KPNA6: variants seen among roughly 807,000 people sequenced by gnomAD.
KPNA6 encodes the protein karyopherin subunit alpha 6, also known as importin subunit alpha-7.
KPNA6 carries 9 observed loss-of-function variants against 72.0 expected under a neutral mutation model. The ratio of observed to expected loss-of-function variants is 0.13; its 90% CI spans 0.08 to 0.22. The LOEUF is 0.22. Among genes scored for constraint, KPNA6 ranks in the 10% least tolerant of loss-of-function variants. The pLI is 1.00. For missense variants in KPNA6, 374 were observed against 655.7 expected (o/e 0.57, Z 4.69); for synonymous variants, 219 against 242.1 (o/e 0.90, Z 0.89).
chr1:32,148,973 A>G lies in KPNA6; in HGVS notation c.5-5615A>G, dbSNP rs563634674. On this transcript the variant is annotated intron_variant, in intron 1 of 13. Coordinates refer to ENST00000373625, the MANE Select transcript of KPNA6 (RefSeq NM_012316.5). ...CTCCAAAATTGCTGGGATTACAATCATGAGCCACCGTGCCGGCCATATTGG... is the reference window on the plus strand; with the variant it reads ...CTCCAAAATTGCTGGGATTACAATCGTGAGCCACCGTGCCGGCCATATTGG... 2.0e-5 allele frequency among the ~76,000 whole-genome samples: 3 copies of G among 152,186 alleles called. No individual in the cohort carries two copies. The East Asian group carries it at 5.8e-4, about 29-fold the overall frequency.
chr1:32,126,525 CA>C (rs1238979549), intron 1 of KPNA6, among the ~76,000 whole-genome samples: 10 of 152,060 alleles, frequency 6.6e-5, no homozygotes, highest in Non-Finnish European at 1.3e-4. Flanking sequence ...GCTGGGATTA[CA>C]GGCGCCTGCC....
intron 1 of KPNA6, among the ~76,000 whole-genome samples, chr1:32,151,444 T>G (rs529283617): frequency 6.6e-6 from 1 of 152,310 alleles, no homozygotes; most frequent in East Asian, 1.9e-4. Context: ...CCAGCATGTA[T>G]GCATCCTTAG....
intron 1 of KPNA6, among the ~76,000 whole-genome samples, chr1:32,129,926 C>T (rs1641606767): frequency 6.6e-6 from 1 of 151,764 alleles, no homozygotes; most frequent in South Asian, 2.1e-4. Flanking sequence ...GGTATGCTGT[C>T]AAATAAGGAA....
Position 32,176,280 on chromosome 1 carries a change from G to A in KPNA6, c.*5386G>A, listed in dbSNP as rs1333885908. The A allele has an allele frequency of 6.6e-6, 1 of 151,528 alleles. No individual in the cohort carries two copies. Among genetic ancestry groups the A allele is most frequent in the African/African-American group, 2.4e-5 (1 of 41,218 alleles). The allele number at this position is 151,528 out of a possible 1,614,324, so 9.4% of individuals were successfully genotyped here. ...CTTGGGTTACCAGCTATGGACCCTT[G>A]GAAGATGAATCTAATCCTTCTCACT... On this transcript the variant is annotated 3_prime_UTR_variant, in exon 14 of 14. Transcript: ENST00000373625.
chr1:32,170,990 C>A lies in KPNA6; in HGVS notation c.*96C>A. On this transcript the variant is annotated 3_prime_UTR_variant, in exon 14 of 14. Coordinates refer to ENST00000373625, the MANE Select transcript of KPNA6 (RefSeq NM_012316.5). ...GGGAAACCAGTGTCCCCACCATCAG[C>A]CACCACACACCTCTGCTGCCCTGGA... The A allele has an allele frequency of 1.9e-6, 2 of 1,028,948 alleles. No homozygotes were observed. Among genetic ancestry groups the A allele is most frequent in the Non-Finnish European group, 2.9e-6 (2 of 679,576 alleles). The allele number at this position is 1,028,948 out of a possible 1,614,324, so 63.7% of individuals were successfully genotyped here. A position where few individuals can be genotyped will look rare whatever the true frequency, so the allele number is the denominator to read the frequency against.
intron 1 of KPNA6, among the ~76,000 whole-genome samples, chr1:32,120,422 AT>A (rs1182684443): frequency 6.9e-6 from 1 of 145,684 alleles, no homozygotes; most frequent in Admixed American, 6.9e-5. Context: ...CTTTTTTTGT[AT>A]TTTTAGTAGA....
At chr1:32,118,972 A>ATGTG (rs144915333) in intron 1 of KPNA6, among the ~76,000 whole-genome samples, 1,385 of 120,726 alleles carry the variant, frequency 0.011, 29 homozygotes, top group African/African-American at 0.044. Context: ...AGCCATATAT[A>ATGTG]TGTGTGTGTG....
chr1:32,147,911 C>G (rs1250045283), intron 1 of KPNA6, among the ~76,000 whole-genome samples: 2 of 151,960 alleles, frequency 1.3e-5, no homozygotes, highest in African/African-American at 2.4e-5. Flanking sequence ...AGCCATTCGC[C>G]TGCCTTGGCC....
At chr1:32,169,382 T>C (rs577206722) in intron 12 of KPNA6, among the ~76,000 whole-genome samples, 31 of 150,980 alleles carry the variant, frequency 2.1e-4, no homozygotes, top group African/African-American at 7.5e-4. Context: ...AAAAAAGGAC[T>C]TGGTTGGGGA....
chr1:32,108,427 C>T (rs1193818500), intron 1 of KPNA6, among the ~76,000 whole-genome samples: 1 of 152,260 alleles, frequency 6.6e-6, no homozygotes, highest in African/African-American at 2.4e-5. Flanking sequence ...AAGGGGCCTA[C>T]TCTCTGTCCT....
At chr1:32,116,892 C>G (rs1557455571) in intron 1 of KPNA6, among the ~76,000 whole-genome samples, 1 of 152,034 alleles carries the variant, frequency 6.6e-6, no homozygotes, top group Non-Finnish European at 1.5e-5. Context: ...GGGAGAGAGA[C>G]TGTGGAATGG....
chr1:32,166,032 A>G (rs1642330281), intron 10 of KPNA6, 73 bp from the exon 11 acceptor site: 1 of 1,460,668 alleles, frequency 6.8e-7, no homozygotes, highest in Non-Finnish European at 9.1e-7. Context: ...AACAACAACA[A>G]CAACAAAAAA....
chr1:32,119,254 C>T lies in KPNA6; in HGVS notation c.4+11120C>T, dbSNP rs917015930. Among the ~76,000 whole-genome samples, 36 of 151,676 alleles carry T rather than the reference C, an allele frequency of 2.4e-4. 1 individual carries two copies. Reference sequence around the variant, plus strand: ...CCATGTTGACCAGGCTGGTCTCAAACTCCTGACCTCAGGTTATCCGCCTGC... The same window carrying T: ...CCATGTTGACCAGGCTGGTCTCAAATTCCTGACCTCAGGTTATCCGCCTGC... On this transcript the variant is annotated intron_variant, in intron 1 of 13. Coordinates refer to ENST00000373625, the MANE Select transcript of KPNA6 (RefSeq NM_012316.5).
chr1:32,169,915 A>T lies in KPNA6; in HGVS notation c.1278A>T (p.Leu426=). 1.2e-6 allele frequency: 2 copies of T among 1,614,028 alleles called. No homozygotes were observed. Among genetic ancestry groups the T allele is most frequent in the East Asian group, 2.2e-5 (1 of 44,868 alleles). ...TCTCACTGGGCTGCATCAAACCCCTATGTGACTTGCTGACTGTAATGGATT... is the reference window on the plus strand; with the variant it reads ...TCTCACTGGGCTGCATCAAACCCCTTTGTGACTTGCTGACTGTAATGGATT... ...YLVSLGCIKP[L]CDLLTVMDSK... is the part of the protein sequence containing the mutation. Residue 426 remains leucine, a synonymous_variant, in exon 13 of 14, where the codon CTA becomes CTT. Coordinates refer to ENST00000373625, the MANE Select transcript of KPNA6 (RefSeq NM_012316.5).
At chr1:32,148,723 T>C (rs982199355) in intron 1 of KPNA6, among the ~76,000 whole-genome samples, 1 of 151,802 alleles carries the variant, frequency 6.6e-6, no homozygotes, top group South Asian at 2.1e-4. Flanking sequence ...CGCCTGGGTA[T>C]GTTTTTTGTA....
chr1:32,125,476 A>G (rs1383012130), intron 1 of KPNA6, among the ~76,000 whole-genome samples: 3 of 151,638 alleles, frequency 2.0e-5, no homozygotes, highest in Non-Finnish European at 4.4e-5. Context: ...CCAGCGATCA[A>G]TCAAGAGAAA....
chr1:32,115,197 G>C (rs534122719), intron 1 of KPNA6, among the ~76,000 whole-genome samples: 7 of 149,984 alleles, frequency 4.7e-5, no homozygotes, highest in Non-Finnish European at 1.0e-4. Flanking sequence ...ATGCAGTGGC[G>C]CGACCTCAGC....
At chr1:32,158,236 G>T (rs760615222) in intron 4 of KPNA6, 31 bp from the exon 5 acceptor site, 1 of 1,471,264 alleles carries the variant, frequency 6.8e-7, no homozygotes, top group Non-Finnish European at 9.5e-7. Context: ...AGCTTCTCCT[G>T]TGTTTTTATT....
intron 1 of KPNA6, among the ~76,000 whole-genome samples, chr1:32,134,222 G>A (rs1351651834): frequency 4.7e-5 from 7 of 149,012 alleles, no homozygotes; most frequent in Non-Finnish European, 8.9e-5. Flanking sequence ...GCACCATTGC[G>A]CTCCAGCCTT....
Sources: gnomAD v4.1 joint callset for allele counts (sites outside exome capture counted in the v4.1 genomes callset) on GRCh38, gnomAD v4.1.1 for gene constraint, MANE v1.5 for transcripts, NCBI Gene and HGNC (gene_info 2026-07-23, HGNC 2026-07-21) for gene names.